TDRD9: variants seen among roughly 807,000 people sequenced by gnomAD.
TDRD9 encodes the protein ATP-dependent RNA helicase TDRD9.
A neutral mutation model predicts 172.6 loss-of-function variants in TDRD9; 124 were observed. The observed-to-expected ratio is 0.72, with a 90% CI of 0.62 to 0.83. TDRD9 has a LOEUF of 0.83. Among genes scored for constraint, TDRD9 ranks in the 40% least tolerant of loss-of-function variants. The pLI is 0.00. For missense variants in TDRD9, 1,479 were observed against 1,714.1 expected (o/e 0.86, Z 2.42); for synonymous variants, 619 against 617.1 (o/e 1.00, Z -0.05).
intron 13 of TDRD9, among the ~76,000 whole-genome samples, chr14:104,000,626 A>C (rs7159709): frequency 0.016 from 2,503 of 152,126 alleles, 71 homozygotes; most frequent in African/African-American, 0.057. Context: ...CTCTACTAAA[A>C]ATACAAAAAT....
chr14:103,949,903 C>A (rs1210776747), intron 1 of TDRD9, among the ~76,000 whole-genome samples: 1 of 151,848 alleles, frequency 6.6e-6, no homozygotes, highest in African/African-American at 2.4e-5. Flanking sequence ...CTCGAACTCC[C>A]GACCTCAGGT....
At chr14:104,030,547 T>A (rs2035251207) in intron 28 of TDRD9, among the ~76,000 whole-genome samples, 1 of 152,240 alleles carries the variant, frequency 6.6e-6, no homozygotes, top group Admixed American at 6.5e-5. Flanking sequence ...TTATTTCTCT[T>A]AAATTCTCTA....
chr14:103,992,924 CAAAAA>C (rs35212615), intron 9 of TDRD9, among the ~76,000 whole-genome samples: 3 of 58,870 alleles, frequency 5.1e-5, no homozygotes, highest in Admixed American at 2.2e-4. Context: ...GACTCCATCT[CAAAAA>C]AAAAAAAAAA....
rs2035956937 is a variant in TDRD9, at chr14:104,052,282, AACTC to A, written c.*201_*204del. 2 of 402,518 alleles carry A rather than the reference AACTC, an allele frequency of 5.0e-6. No homozygotes were observed. The highest frequency in any genetic ancestry group is 4.1e-5 in the Admixed American group (1 of 24,374). 24.9% of individuals were successfully genotyped at this position (402,518 alleles called of 1,614,324 possible). A position where few individuals can be genotyped will look rare whatever the true frequency, so the allele number is the denominator to read the frequency against. ...TTTTGTTCAGGTGGGAAGGATTGGAAACTCTAGTCTTTTCTAGAAACAGAAAATC... is the reference window on the plus strand; with the variant it reads ...TTTTGTTCAGGTGGGAAGGATTGGAATAGTCTTTTCTAGAAACAGAAAATC... On this transcript the variant is annotated 3_prime_UTR_variant, in exon 36 of 36. Coordinates refer to ENST00000409874, the MANE Select transcript of TDRD9 (RefSeq NM_153046.3).
At chr14:104,040,411 C>A in intron 33 of TDRD9, 77 bp downstream of exon 33, 1 of 1,382,470 alleles carries the variant, frequency 7.2e-7, no homozygotes, top group East Asian at 2.7e-5. Context: ...AGTGCAGGGT[C>A]TGCTGTGGAG....
At chr14:103,945,025 C>T (rs2031486439) in intron 1 of TDRD9, among the ~76,000 whole-genome samples, 1 of 152,180 alleles carries the variant, frequency 6.6e-6, no homozygotes, top group African/African-American at 2.4e-5. Flanking sequence ...CTAGTTCCTA[C>T]TCCCAAGGAG....
chr14:104,049,573 T>C (rs1333932514), intron 34 of TDRD9, 35 bp from the exon 35 acceptor site: 4 of 1,489,410 alleles, frequency 2.7e-6, no homozygotes, highest in South Asian at 2.5e-5. Context: ...GTTACTAATA[T>C]ATAATTAAGA....
intron 28 of TDRD9, among the ~76,000 whole-genome samples, chr14:104,028,380 T>C (rs1477723488): frequency 1.3e-5 from 2 of 152,224 alleles, no homozygotes; most frequent in Non-Finnish European, 2.9e-5. Context: ...ATAATAGCCA[T>C]TCTAACTGGG....
intron 5 of TDRD9, among the ~76,000 whole-genome samples, chr14:103,968,526 C>T (rs1306795867): frequency 6.6e-6 from 1 of 152,046 alleles, no homozygotes; most frequent in African/African-American, 2.4e-5. Flanking sequence ...GTGGCTCACA[C>T]CTGTAATCCC....
At chr14:104,045,467 G>T (rs1360950467) in intron 34 of TDRD9, among the ~76,000 whole-genome samples, 3 of 143,662 alleles carry the variant, frequency 2.1e-5, no homozygotes, top group Admixed American at 7.1e-5. Context: ...TTATTGAGTT[G>T]TAGAAATTGT....
chr14:104,045,261 C>G (rs968433926), intron 34 of TDRD9, among the ~76,000 whole-genome samples: 2 of 152,136 alleles, frequency 1.3e-5, no homozygotes, highest in Non-Finnish European at 2.9e-5. Context: ...GCACGAGGCA[C>G]CGGCACGTGT....
At chr14:103,951,776 CT>C (rs898377784) in intron 1 of TDRD9, among the ~76,000 whole-genome samples, 6 of 149,616 alleles carry the variant, frequency 4.0e-5, no homozygotes, top group East Asian at 2.0e-4. Flanking sequence ...TTTTTCTTTT[CT>C]TTTTTTTGAG....
chr14:103,958,965 G>C (rs75163089), intron 2 of TDRD9, among the ~76,000 whole-genome samples: 3,530 of 152,312 alleles, frequency 0.023, 79 homozygotes, highest in East Asian at 0.071. Flanking sequence ...CAGTGGGAAG[G>C]TATGAAAGTT....
intron 8 of TDRD9, among the ~76,000 whole-genome samples, chr14:103,986,635 C>T (rs1409715915): frequency 6.6e-6 from 1 of 152,110 alleles, no homozygotes; most frequent in Non-Finnish European, 1.5e-5. Context: ...AACTTTAAAT[C>T]CTACATTAGT....
At chr14:104,015,619 G>A (rs912395921) in intron 21 of TDRD9, among the ~76,000 whole-genome samples, 5 of 152,204 alleles carry the variant, frequency 3.3e-5, no homozygotes, top group African/African-American at 1.2e-4. Context: ...CTTGCACATA[G>A]ATGTGTGTGG....
chr14:103,970,800 C>T (rs2032987803), intron 6 of TDRD9, among the ~76,000 whole-genome samples, 179 bp downstream of exon 6: 1 of 152,162 alleles, frequency 6.6e-6, no homozygotes, highest in Non-Finnish European at 1.5e-5. Context: ...TGCATGTAGC[C>T]TATGCACATC....
rs1490221783 is a variant in TDRD9 at position 104,042,099 on chromosome 14, C to G, written c.3886C>G (p.Leu1296Val). 6.2e-7 allele frequency: 1 copy of G among 1,612,796 alleles called. No individual in the cohort carries two copies. Among genetic ancestry groups the G allele is most frequent in the Non-Finnish European group, 8.5e-7 (1 of 1,178,970 alleles). ...VNILRAAINK[L>V]VCDGPNGCKC... Reference sequence around the variant, plus strand: ...TATTCTCAGGGCTGCTATTAACAAGCTAGTCTGTGATGGACCAAATGGATG... The same window carrying G: ...TATTCTCAGGGCTGCTATTAACAAGGTAGTCTGTGATGGACCAAATGGATG... Residue 1296 changes from leucine (L) to valine (V), a missense_variant, in exon 34 of 36, where the codon CTA becomes GTA. By Grantham distance (32) the Leu-to-Val change is conservative (BLOSUM62 1). Transcript: ENST00000409874.
At position 103,932,639 on chromosome 14, in the gene TDRD9, G is replaced by A. The variant is rs781151091; in HGVS notation, c.215+3915G>A. ...CCTGGCCTCGTGATCTGCCTGCCTC[G>A]GCCTTCCAAAGTGCTGGGATTACAG... On this transcript the variant is annotated intron_variant, in intron 1 of 35. Coordinates refer to ENST00000409874, the MANE Select transcript of TDRD9 (RefSeq NM_153046.3). 2.2e-4 allele frequency among the ~76,000 whole-genome samples: 34 copies of A among 151,368 alleles called. 1 individual carries two copies. The highest frequency in any genetic ancestry group is 2.1e-3 in the Admixed American group (32 of 15,170).
intron 33 of TDRD9, 23 bp from the exon 34 acceptor site, chr14:104,042,045 GT>G: frequency 1.4e-6 from 2 of 1,433,942 alleles, no homozygotes; most frequent in Non-Finnish European, 2.0e-6. Context: ...CCTTATGAGT[GT>G]TTATGTTGCT....
Sources: allele counts gnomAD v4.1 joint callset (sites outside exome capture counted in the v4.1 genomes callset), GRCh38; gene constraint gnomAD v4.1.1; transcripts MANE v1.5; gene names NCBI Gene and HGNC (gene_info 2026-07-23, HGNC 2026-07-21).